Variants in LYPD6B observed in about 807,000 individuals in gnomAD.
The protein encoded by LYPD6B is LY6/PLAUR domain containing 6B, also known as ly6/PLAUR domain-containing protein 6B.
Under a neutral mutation model 22.8 loss-of-function variants are expected in LYPD6B, and 17 were observed. The observed-to-expected ratio is 0.75, with a 90% CI of 0.51 to 1.12. LYPD6B has a LOEUF of 1.12. Ranked by LOEUF, LYPD6B falls within the 50% of genes most tolerant of loss-of-function variation. The probability of loss-of-function intolerance (pLI) is 0.00; values close to 1 mark genes in which losing one functional copy is unlikely to be tolerated. For synonymous variants in LYPD6B, 106 were observed against 91.6 expected, an observed-to-expected ratio of 1.16 and a Z score of -0.90; for missense variants, 221 against 258.3, an observed-to-expected ratio of 0.86 and a Z score of 0.99.
chr2:149,076,067 T>C (rs1243904916), intron 1 of LYPD6B, among the ~76,000 whole-genome samples: 1 of 152,110 alleles, frequency 6.6e-6, no homozygotes, highest in East Asian at 1.9e-4. Flanking sequence ...ACGTGAACTG[T>C]CAGGATTTAA....
chr2:149,097,654 T>C (rs2105469276), intron 1 of LYPD6B, among the ~76,000 whole-genome samples: 1 of 152,180 alleles, frequency 6.6e-6, no homozygotes, highest in East Asian at 1.9e-4. Flanking sequence ...TACTCTCTTT[T>C]GGAAGATAGA....
intron 1 of LYPD6B, among the ~76,000 whole-genome samples, chr2:149,048,721 T>C (rs1353586940): frequency 6.6e-6 from 1 of 152,234 alleles, no homozygotes; most frequent in Non-Finnish European, 1.5e-5. Flanking sequence ...ATGGTAATAA[T>C]GTTCTTTTCA....
chr2:149,131,002 C>A, intron 2 of LYPD6B, 49 bp downstream of exon 2: 1 of 1,304,624 alleles, frequency 7.7e-7, no homozygotes, highest in Non-Finnish European at 1.1e-6. Flanking sequence ...TTTTATTTAA[C>A]TATAAATGCT....
At chr2:149,120,313 G>GTA (rs1460135343) in intron 1 of LYPD6B, among the ~76,000 whole-genome samples, 5 of 128,486 alleles carry the variant, frequency 3.9e-5, no homozygotes, top group African/African-American at 1.5e-4. Flanking sequence ...ATATATATGT[G>GTA]TATATATATG....
chr2:149,168,532 C>T (rs1023009046), intron 3 of LYPD6B, among the ~76,000 whole-genome samples: 1 of 152,132 alleles, frequency 6.6e-6, no homozygotes, highest in East Asian at 1.9e-4. Context: ...TACGACAAGC[C>T]CATGCCTGAT....
intron 1 of LYPD6B, among the ~76,000 whole-genome samples, chr2:149,091,624 C>CT (rs574256031): frequency 1.9e-4 from 28 of 146,416 alleles, no homozygotes; most frequent in South Asian, 8.7e-4. Context: ...GATTGGCATT[C>CT]TTTTTTTTTT....
At chr2:149,118,362 T>C (rs199832574) in intron 1 of LYPD6B, 1 of 152,216 alleles carries the variant, frequency 6.6e-6, no homozygotes. Flanking sequence ...AATACTGGAT[T>C]TTTACAAAGC....
intron 1 of LYPD6B, among the ~76,000 whole-genome samples, chr2:149,073,652 T>C (rs1038990320): frequency 6.6e-6 from 1 of 152,026 alleles, no homozygotes; most frequent in Non-Finnish European, 1.5e-5. Flanking sequence ...CTCCTACCAC[T>C]GCTGTGTCTC....
intron 1 of LYPD6B, among the ~76,000 whole-genome samples, chr2:149,122,314 G>A (rs1397064461): frequency 1.3e-5 from 2 of 152,054 alleles, no homozygotes; most frequent in African/African-American, 4.8e-5. Flanking sequence ...CTTTATAATA[G>A]CTGTTTCAGT....
chr2:149,131,463 AAAAGG>A (rs1430311639), intron 2 of LYPD6B: 2 of 152,532 alleles, frequency 1.3e-5, no homozygotes, highest in Non-Finnish European at 2.9e-5. Flanking sequence ...GGGAAGGAAA[AAAAGG>A]AAAGAAAGAG....
chr2:149,135,447 C>T (rs148709576), intron 2 of LYPD6B, among the ~76,000 whole-genome samples: 1,715 of 151,904 alleles, frequency 0.011, 27 homozygotes, highest in African/African-American at 0.04. Context: ...TGGCCAGGCA[C>T]GGTGACTCAC....
chr2:149,040,686 A>G lies in LYPD6B; in HGVS notation c.-67+1885A>G, dbSNP rs138430109. 2.4e-3 allele frequency among the ~76,000 whole-genome samples: 367 copies of G among 152,246 alleles called. 1 individual carries two copies. Among genetic ancestry groups the G allele is most frequent in the African/African-American group, 7.7e-3 (321 of 41,542 alleles). ...ATGTCGGTAGGGGGCGCAATTCCCA[A>G]TGAGAAGTCTGACAAAACAGGACAT... On this transcript the variant is annotated intron_variant, in intron 1 of 6. Transcript: ENST00000409642.
intron 1 of LYPD6B, among the ~76,000 whole-genome samples, chr2:149,063,322 C>T (rs1049066636): frequency 2.6e-5 from 4 of 152,014 alleles, no homozygotes; most frequent in Admixed American, 2.6e-4. Flanking sequence ...GAAGTAGCCC[C>T]GCCCCATAAC....
intron 3 of LYPD6B, 85 bp downstream of exon 3, chr2:149,160,920 C>T: frequency 1.0e-6 from 1 of 995,820 alleles, no homozygotes; most frequent in South Asian, 1.4e-5. Context: ...CCTGAAAGTC[C>T]CGGGACCCTG....
chr2:149,114,582 G>A (rs1559005544), intron 1 of LYPD6B, among the ~76,000 whole-genome samples: 1 of 152,170 alleles, frequency 6.6e-6, no homozygotes, highest in Non-Finnish European at 1.5e-5. Context: ...ACATGAAGGG[G>A]GTTCACACAC....
intron 1 of LYPD6B, among the ~76,000 whole-genome samples, chr2:149,057,468 G>A (rs1683858388): frequency 6.6e-6 from 1 of 151,790 alleles, no homozygotes; most frequent in African/African-American, 2.4e-5. Context: ...ATGCTTTCGG[G>A]TTCACATTGT....
chr2:149,153,986 A>C (rs1689537591), intron 2 of LYPD6B: 2 of 691,728 alleles, frequency 2.9e-6, no homozygotes, highest in African/African-American at 3.9e-5. Context: ...AAGATGACTC[A>C]AGAATTCAGC....
chr2:149,088,374 C>T (rs1330508252), intron 1 of LYPD6B, among the ~76,000 whole-genome samples: 1 of 152,136 alleles, frequency 6.6e-6, no homozygotes, highest in African/African-American at 2.4e-5. Flanking sequence ...GGGAGGAAAA[C>T]CCAAACAGAT....
At chr2:149,134,854 A>G (rs1688261136) in intron 2 of LYPD6B, among the ~76,000 whole-genome samples, 1 of 152,254 alleles carries the variant, frequency 6.6e-6, no homozygotes, top group African/African-American at 2.4e-5. Flanking sequence ...CGAGGCATGC[A>G]AGGTTAAGAG....
Sources: allele counts gnomAD v4.1 joint callset (sites outside exome capture counted in the v4.1 genomes callset), GRCh38; gene constraint gnomAD v4.1.1; transcripts MANE v1.5; gene names NCBI Gene and HGNC (gene_info 2026-07-23, HGNC 2026-07-21).